Variants in TATDN3 observed in about 807,000 individuals in gnomAD.
TATDN3 encodes the protein TatD DNase domain containing 3.
Under a neutral mutation model 40.1 loss-of-function variants are expected in TATDN3, and 29 were observed. The observed-to-expected ratio is 0.72, with a 90% CI of 0.54 to 0.99. The LOEUF is 0.99. Among genes scored for constraint, TATDN3 ranks in the 50% least tolerant of loss-of-function variants. The pLI, the probability that TATDN3 is intolerant of heterozygous loss-of-function variation, is 0.00. For synonymous variants in TATDN3, 105 were observed against 117.0 expected, an observed-to-expected ratio of 0.90 and a Z score of 0.66; for missense variants, 309 against 321.9, an observed-to-expected ratio of 0.96 and a Z score of 0.31.
intron 1 of TATDN3, among the ~76,000 whole-genome samples, chr1:212,792,466 G>A (rs1661385180): frequency 9.2e-6 from 1 of 109,120 alleles, no homozygotes; most frequent in African/African-American, 3.8e-5. Flanking sequence ...GTGAAACCTC[G>A]TCCCTACAAA....
At chr1:212,807,434 G>A (rs1229414276) in intron 7 of TATDN3, among the ~76,000 whole-genome samples, 1 of 151,920 alleles carries the variant, frequency 6.6e-6, no homozygotes, top group Non-Finnish European at 1.5e-5. Flanking sequence ...TGTATTTTTT[G>A]TAGAGACGGG....
In TATDN3 at chr1:212,807,805, G is replaced by C; in HGVS notation, c.557G>C (p.Gly186Ala). The stretch of plus-strand genomic sequence containing the variant: ...GTAGCCATGGAAGGAGTAAGAGCTG[G>C]GTACTTCTTCTCAATTCCCCCTTCT... ...PSVAMEGVRAGYFFSIPPSII... is the reference protein window; with the variant it reads ...PSVAMEGVRAAYFFSIPPSII... Residue 186 changes from glycine (G) to alanine (A), a missense_variant, in exon 8 of 10, where the codon GGG (glycine) becomes GCG (alanine). Physicochemically the swap from Gly to Ala is moderately conservative, Grantham distance 60. Transcript: ENST00000366974. 4 of 1,613,452 alleles carry C rather than the reference G, an allele frequency of 2.5e-6. No homozygotes were observed. The highest frequency in any genetic ancestry group is 3.4e-6 in the Non-Finnish European group (4 of 1,179,762).
At chr1:212,808,225 A>G (rs146901110) in intron 8 of TATDN3, among the ~76,000 whole-genome samples, 2 of 151,870 alleles carry the variant, frequency 1.3e-5, no homozygotes, top group African/African-American at 4.8e-5. Flanking sequence ...AGGCAGGAGA[A>G]TCGCTTGAAC....
At chr1:212,792,945 T>C (rs1424632271) in intron 1 of TATDN3, 3 of 152,240 alleles carry the variant, frequency 2.0e-5, no homozygotes, top group African/African-American at 7.2e-5. Flanking sequence ...AGCTGACACT[T>C]AAGGCTGAAA....
rs1195881510 is a variant in TATDN3, at chr1:212,795,125, A to T, written c.97A>T (p.Lys33Ter). ...DLDDVLEKAKKANVVALVAVA... is the reference protein window; with the variant it reads ...DLDDVLEKAK Reference sequence around the variant, plus strand: ...GGATGATGTGTTGGAGAAAGCCAAGAAGGTAAGTCAATATTTGTAATTGCT... The same window carrying T: ...GGATGATGTGTTGGAGAAAGCCAAGTAGGTAAGTCAATATTTGTAATTGCT... Residue 33 changes from lysine to a stop codon, truncating the protein, a stop_gained and splice_region_variant, in exon 2 of 10, where the codon AAG (lysine) becomes TAG (stop). Coordinates refer to ENST00000366974, the MANE Select transcript of TATDN3 (RefSeq NM_001042552.3). LOFTEE classifies it high-confidence loss of function. The T allele has an allele frequency of 6.2e-7, 1 of 1,611,738 alleles. No individual in the cohort carries two copies. Among genetic ancestry groups the T allele is most frequent in the African/African-American group, 1.3e-5 (1 of 74,996 alleles).
intron 9 of TATDN3, 22 bp downstream of exon 9, chr1:212,812,350 ATAT>A (rs1473251610): frequency 8.3e-7 from 1 of 1,209,076 alleles, no homozygotes; most frequent in Non-Finnish European, 1.2e-6. Context: ...TCTAATTTCT[ATAT>A]TATTTAGATT....
intron 1 of TATDN3, among the ~76,000 whole-genome samples, chr1:212,793,732 A>C (rs1412559510): frequency 6.6e-6 from 1 of 152,180 alleles, no homozygotes; most frequent in Non-Finnish European, 1.5e-5. Context: ...TGTGGATAGC[A>C]AGGGAAAGGG....
intron 1 of TATDN3, among the ~76,000 whole-genome samples, chr1:212,792,631 T>TAAAAAAAAAAA (rs1661411565): frequency 2.0e-5 from 1 of 49,036 alleles, no homozygotes; most frequent in Non-Finnish European, 3.5e-5. Context: ...AGACCCTGTC[T>TAAAAAAAAAAA]CAAAAAAAAA....
Position 212,815,899 on chromosome 1 carries a change from G to C in TATDN3, c.*743G>C. The C allele has an allele frequency of 6.6e-6, 1 of 152,158 alleles. No individual in the cohort carries two copies. Among genetic ancestry groups the C allele is most frequent in the Non-Finnish European group, 1.5e-5 (1 of 68,044 alleles). 9.4% of individuals were successfully genotyped at this position (152,158 alleles called of 1,614,324 possible). A position where few individuals can be genotyped will look rare whatever the true frequency, so the allele number is the denominator to read the frequency against. On this transcript the variant is annotated 3_prime_UTR_variant, in exon 10 of 10. Coordinates refer to ENST00000366974, the MANE Select transcript of TATDN3 (RefSeq NM_001042552.3). Reference sequence around the variant, plus strand: ...GGGAGAATGTCTGGTTTTCTATGCTGTCAGAAATCTCTTTTCTAGGTTTGT... The same window carrying C: ...GGGAGAATGTCTGGTTTTCTATGCTCTCAGAAATCTCTTTTCTAGGTTTGT...
In TATDN3 at chr1:212,797,346, A is replaced by G. The variant is rs1326587897; in HGVS notation, c.258+150A>G. 1.3e-5 allele frequency: 8 copies of G among 626,810 alleles called. No individual in the cohort carries two copies. In the African/African-American group the frequency reaches 1.3e-4, roughly 10 times the overall value. 38.8% of individuals were successfully genotyped at this position (626,810 alleles called of 1,614,324 possible). On this transcript the variant is annotated intron_variant, in intron 4 of 9. Coordinates refer to ENST00000366974, the MANE Select transcript of TATDN3 (RefSeq NM_001042552.3). ...CTTTAACAAAGATGTTTGTTGCAAC[A>G]TTATTCGTAATAGAGAAAAAGTAGA...
chr1:212,794,922 A>G (rs538237803), intron 1 of TATDN3, 173 bp from the exon 2 acceptor site: 1 of 654,714 alleles, frequency 1.5e-6, no homozygotes, highest in Admixed American at 2.3e-5. Flanking sequence ...GCCAGACTTT[A>G]CTGATAGTAA....
In TATDN3 at chr1:212,804,354, C is replaced by G; in HGVS notation, c.356C>G (p.Thr119Ser). 6.2e-7 allele frequency: 1 copy of G among 1,613,958 alleles called. No individual in the cohort carries two copies. The highest frequency in any genetic ancestry group is 8.5e-7 in the Non-Finnish European group (1 of 1,179,926). Reference sequence around the variant, plus strand: ...GATTTCTCCCCCAGATTTGCTGGCACTGGTGAACAGAAGGAAGAGCAAAGA... The same window carrying G: ...GATTTCTCCCCCAGATTTGCTGGCAGTGGTGAACAGAAGGAAGAGCAAAGA... ...GLDFSPRFAG[T>S]GEQKEEQRQV... Residue 119 changes from threonine (T) to serine (S), a missense_variant, in exon 6 of 10, where the codon ACT (threonine) becomes AGT (serine). By Grantham distance (58) the Thr-to-Ser change is moderately conservative (BLOSUM62 1). Coordinates refer to ENST00000366974, the MANE Select transcript of TATDN3 (RefSeq NM_001042552.3).
chr1:212,806,747 C>CCATATATATATAT (rs1558083475), intron 7 of TATDN3, among the ~76,000 whole-genome samples: 2 of 43,976 alleles, frequency 4.5e-5, no homozygotes, highest in Non-Finnish European at 8.8e-5. Flanking sequence ...TCTCTCTCTC[C>CCATATATATATAT]ATATATATAT....
chr1:212,813,687 T>A (rs1663027868), intron 9 of TATDN3, among the ~76,000 whole-genome samples: 1 of 151,268 alleles, frequency 6.6e-6, no homozygotes, highest in African/African-American at 2.4e-5. Context: ...TGTGCTACCA[T>A]GCCTGGCTAC....
rs531821112 is a variant in TATDN3 at position 212,804,189 on chromosome 1, GAATT to G, written c.322-127_322-124del. On this transcript the variant is annotated intron_variant, in intron 5 of 9. Coordinates refer to ENST00000366974, the MANE Select transcript of TATDN3 (RefSeq NM_001042552.3). Reference sequence around the variant, plus strand: ...GTGAATATTTTTAATGTGGCTACTAGAATTAATATTTTTATGTGGCTTGCTTTTG... The same window carrying G: ...GTGAATATTTTTAATGTGGCTACTAGAATATTTTTATGTGGCTTGCTTTTG... 87 of 587,414 alleles carry G rather than the reference GAATT, an allele frequency of 1.5e-4. 1 individual carries two copies. The African/African-American group carries it at 1.5e-3, about 10-fold the overall frequency. 36.4% of individuals were successfully genotyped at this position (587,414 alleles called of 1,614,324 possible). A position where few individuals can be genotyped will look rare whatever the true frequency, so the allele number is the denominator to read the frequency against.
At chr1:212,807,026 C>T (rs12565557) in intron 7 of TATDN3, among the ~76,000 whole-genome samples, 64,831 of 150,122 alleles carry the variant, frequency 0.43, 14,885 homozygotes, top group Non-Finnish European at 0.51. Flanking sequence ...TCACTGCAAC[C>T]TCTGCCTCCC....
At chr1:212,804,234 A>G in intron 5 of TATDN3, 86 bp from the exon 6 acceptor site, 1 of 875,800 alleles carries the variant, frequency 1.1e-6, no homozygotes. Context: ...CACATTATAT[A>G]TTTCTATTGG....
In TATDN3 at chr1:212,795,127, G is replaced by C. The variant is rs1243256275; in HGVS notation, c.99G>C (p.Lys33Asn). The C allele has an allele frequency of 6.2e-7, 1 of 1,610,816 alleles. No individual in the cohort carries two copies. The highest frequency in any genetic ancestry group is 1.3e-5 in the African/African-American group (1 of 74,940). The change falls in exon 2 of 10, where the codon AAG becomes AAC. Residue 33 changes from lysine to asparagine, a missense_variant and splice_region_variant. Lys to Asn is a moderately conservative substitution (Grantham distance 94). Coordinates refer to ENST00000366974, the MANE Select transcript of TATDN3 (RefSeq NM_001042552.3). ...ATGATGTGTTGGAGAAAGCCAAGAA[G>C]GTAAGTCAATATTTGTAATTGCTCT... ...DLDDVLEKAK[K>N]ANVVALVAVA...
At chr1:212,795,285 T>G (rs1367955541) in intron 2 of TATDN3, among the ~76,000 whole-genome samples, 158 bp downstream of exon 2, 1 of 151,744 alleles carries the variant, frequency 6.6e-6, no homozygotes, top group African/African-American at 2.4e-5. Context: ...TTTATTTATT[T>G]ATTGAGACAG....
Sources: gnomAD v4.1 joint callset for allele counts (sites outside exome capture counted in the v4.1 genomes callset) on GRCh38, gnomAD v4.1.1 for gene constraint, MANE v1.5 for transcripts, NCBI Gene and HGNC (gene_info 2026-07-23, HGNC 2026-07-21) for gene names.